The following GTF2E2 variants were observed in gnomAD, a reference collection of about 807,000 sequenced individuals.
GTF2E2 encodes the protein general transcription factor IIE subunit 2.
A neutral mutation model predicts 40.5 loss-of-function variants in GTF2E2; 21 were observed. The ratio of observed to expected loss-of-function variants is 0.52; its 90% CI spans 0.37 to 0.75. GTF2E2 has a LOEUF of 0.75. GTF2E2 is among the 30% of genes least tolerant of loss of function. GTF2E2 has a pLI of 0.00. For missense variants in GTF2E2, 298 were observed against 338.4 expected (o/e 0.88, Z 0.94); for synonymous variants, 117 against 121.6 (o/e 0.96, Z 0.25).
At chr8:30,618,479 CA>C (rs1245708165) in intron 3 of GTF2E2, among the ~76,000 whole-genome samples, 1 of 152,064 alleles carries the variant, frequency 6.6e-6, no homozygotes, top group Non-Finnish European at 1.5e-5. Flanking sequence ...AAGGGCCCAG[CA>C]TGCATGGCCT....
At chr8:30,634,531 C>T (rs1189753559) in intron 3 of GTF2E2, among the ~76,000 whole-genome samples, 3 of 152,140 alleles carry the variant, frequency 2.0e-5, no homozygotes, top group Non-Finnish European at 1.5e-5. Context: ...AAATACTAAA[C>T]CTTCCATCAA....
intron 6 of GTF2E2, among the ~76,000 whole-genome samples, chr8:30,606,011 T>C (rs1246411024): frequency 6.6e-6 from 1 of 152,146 alleles, no homozygotes; most frequent in East Asian, 1.9e-4. Context: ...AAGGCAACAT[T>C]GCAAGTAACG....
chr8:30,600,486 T>C (rs1014552221), intron 6 of GTF2E2, among the ~76,000 whole-genome samples: 19 of 152,220 alleles, frequency 1.2e-4, no homozygotes, highest in African/African-American at 4.6e-4. Context: ...TACTATTATT[T>C]CTATTTTACA....
chr8:30,592,097 G>A lies in GTF2E2; in HGVS notation c.644-11701C>T, dbSNP rs576571531. Among the ~76,000 whole-genome samples the A allele has an allele frequency of 3.5e-4, 53 of 152,232 alleles. No individual in the cohort carries two copies. The East Asian group carries it at 6.4e-3, about 18-fold the overall frequency. ...GTTACTTAAAGGTATTTAATTTCAG[G>A]CTGGGTGTGGTGGCTCACATCTGTA... On this transcript the variant is annotated intron_variant, in intron 6 of 7. Coordinates refer to ENST00000355904, the MANE Select transcript of GTF2E2 (RefSeq NM_002095.6).
At chr8:30,620,740 C>T (rs2151135209) in intron 3 of GTF2E2, among the ~76,000 whole-genome samples, 1 of 151,322 alleles carries the variant, frequency 6.6e-6, no homozygotes, top group African/African-American at 2.4e-5. Context: ...GCCAGCCTGG[C>T]CAACATGATG....
intron 7 of GTF2E2, among the ~76,000 whole-genome samples, 175 bp from the exon 8 acceptor site, chr8:30,579,212 G>A (rs566601935): frequency 1.4e-4 from 22 of 152,228 alleles, no homozygotes; most frequent in South Asian, 1.2e-3. Flanking sequence ...ACCAGACCCC[G>A]GGCCTTTGTT....
rs1306050009 is a variant in GTF2E2, at chr8:30,653,450, C to T, written c.149G>A (p.Gly50Asp). The T allele has an allele frequency of 1.2e-6, 2 of 1,613,122 alleles. No individual in the cohort carries two copies. The highest frequency in any genetic ancestry group is 1.1e-5 in the South Asian group (1 of 90,936). The change falls in exon 2 of 8, where the codon GGC (glycine) becomes GAC (aspartate). Residue 50 changes from glycine to aspartate, a missense_variant. Gly to Asp is a moderately conservative substitution (Grantham distance 94). Transcript: ENST00000355904. ...KTKVEHGGSS[G>D]SKQNSDHSNG... The stretch of plus-strand genomic sequence containing the variant: ...TTACTAACCAGAATTTTGTTTAGAG[C>T]CTGACGATCCTCCATGTTCTACCTT...
At chr8:30,624,301 T>A (rs1251236498) in intron 3 of GTF2E2, among the ~76,000 whole-genome samples, 1 of 152,166 alleles carries the variant, frequency 6.6e-6, no homozygotes, top group Non-Finnish European at 1.5e-5. Context: ...TTGTCAGGTT[T>A]GTCGAAGATC....
At chr8:30,633,003 G>C (rs1801486702) in intron 3 of GTF2E2, among the ~76,000 whole-genome samples, 1 of 152,130 alleles carries the variant, frequency 6.6e-6, no homozygotes, top group African/African-American at 2.4e-5. Flanking sequence ...AGAGGAGACA[G>C]CTGCATTCAT....
intron 3 of GTF2E2, among the ~76,000 whole-genome samples, chr8:30,625,661 C>T (rs189464819): frequency 2.4e-4 from 37 of 152,192 alleles, no homozygotes; most frequent in East Asian, 1.5e-3. Context: ...TACAGTGGCA[C>T]GATCTCGGCT....
At chr8:30,608,730 G>A (rs138277288) in intron 5 of GTF2E2, among the ~76,000 whole-genome samples, 1 of 152,314 alleles carries the variant, frequency 6.6e-6, no homozygotes, top group Non-Finnish European at 1.5e-5. Context: ...ACTTTGGGAG[G>A]CAGGAGGATC....
At chr8:30,623,933 T>C (rs1394894546) in intron 3 of GTF2E2, among the ~76,000 whole-genome samples, 1 of 151,862 alleles carries the variant, frequency 6.6e-6, no homozygotes, top group South Asian at 2.1e-4. Context: ...ATGAGTAGAT[T>C]GGAAAAATTT....
chr8:30,594,313 AAT>A (rs1224966701), intron 6 of GTF2E2, among the ~76,000 whole-genome samples: 1 of 151,702 alleles, frequency 6.6e-6, no homozygotes, highest in Non-Finnish European at 1.5e-5. Context: ...GCTGGAATGC[AAT>A]GGCGCGATCT....
At chr8:30,645,893 A>G in intron 2 of GTF2E2, 1 of 263,514 alleles carries the variant, frequency 3.8e-6, no homozygotes, top group East Asian at 6.9e-5. Flanking sequence ...TAAGCTGGAA[A>G]AGACAAGCAA....
chr8:30,580,907 A>AG (rs375032057), intron 6 of GTF2E2, among the ~76,000 whole-genome samples: 1 of 152,158 alleles, frequency 6.6e-6, no homozygotes. Flanking sequence ...TGAAAGGGAA[A>AG]GGGGGGATGG....
intron 2 of GTF2E2, among the ~76,000 whole-genome samples, chr8:30,642,317 G>C (rs1484163301): frequency 7.4e-6 from 1 of 135,630 alleles, no homozygotes; most frequent in Non-Finnish European, 1.6e-5. Context: ...AAAAGGAAAG[G>C]AATAAAAGAA....
chr8:30,618,840 TG>T (rs1801002888), intron 3 of GTF2E2, among the ~76,000 whole-genome samples: 1 of 152,228 alleles, frequency 6.6e-6, no homozygotes, highest in Admixed American at 6.5e-5. Context: ...TTGAAAAGAC[TG>T]GGAAATATTT....
At chr8:30,608,504 ATTC>A (rs1829385440) in intron 5 of GTF2E2, among the ~76,000 whole-genome samples, 1 of 152,212 alleles carries the variant, frequency 6.6e-6, no homozygotes, top group African/African-American at 2.4e-5. Context: ...TCATCCCATT[ATTC>A]TTACTTATGT....
chr8:30,612,529 A>G (rs2151128795), intron 4 of GTF2E2, 48 bp from the exon 5 acceptor site: 1 of 1,075,874 alleles, frequency 9.3e-7, no homozygotes. Context: ...GAACATAAAT[A>G]TATATATATA....
Sources: gnomAD v4.1 joint callset for allele counts (sites outside exome capture counted in the v4.1 genomes callset) on GRCh38, gnomAD v4.1.1 for gene constraint, MANE v1.5 for transcripts, NCBI Gene and HGNC (gene_info 2026-07-23, HGNC 2026-07-21) for gene names.